ADORA2A: variants seen among roughly 807,000 people sequenced by gnomAD.
The protein encoded by ADORA2A is adenosine receptor A2a.
A neutral mutation model predicts 18.4 loss-of-function variants in ADORA2A; 11 were observed. The observed-to-expected ratio is 0.60, with a 90% confidence interval of 0.38 to 0.99. The LOEUF is 0.99. Among genes scored for constraint, ADORA2A ranks in the 50% least tolerant of loss-of-function variants. ADORA2A has a pLI of 0.01. For synonymous variants in ADORA2A, 218 were observed against 237.3 expected, an observed-to-expected ratio of 0.92 and a Z score of 0.75; for missense variants, 449 against 556.1, an observed-to-expected ratio of 0.81 and a Z score of 1.94.
At chr22:24,436,401 CT>C (rs201050948) in intron 2 of ADORA2A, among the ~76,000 whole-genome samples, 50 of 151,884 alleles carry the variant, frequency 3.3e-4, no homozygotes, top group Middle Eastern at 3.4e-3. Flanking sequence ...TCTCCATTAA[CT>C]TTTTTTTTAA....
upstream of ADORA2A, among the ~76,000 whole-genome samples, chr22:24,427,405 G>A (rs1301983406): frequency 6.6e-6 from 1 of 152,068 alleles, no homozygotes; most frequent in Non-Finnish European, 1.5e-5. Context: ...GCCCCTTCAA[G>A]CCTCCCACAG....
At chr22:24,425,848 A>G (rs1378399919), upstream of ADORA2A, among the ~76,000 whole-genome samples, 2 of 152,214 alleles carry the variant, frequency 1.3e-5, no homozygotes, top group African/African-American at 4.8e-5. Flanking sequence ...GGGGAATCTG[A>G]TATCTCATCT....
At chr22:24,437,844 C>T (rs2043217327) in intron 2 of ADORA2A, among the ~76,000 whole-genome samples, 1 of 152,238 alleles carries the variant, frequency 6.6e-6, no homozygotes, top group Non-Finnish European at 1.5e-5. Context: ...TACTGTGTTC[C>T]CAGAAGCCTT....
At chr22:24,429,420 T>G (rs1413518620) in intron 1 of ADORA2A, 1 of 152,242 alleles carries the variant, frequency 6.6e-6, no homozygotes, top group Non-Finnish European at 1.5e-5. Context: ...CACAGAGAAG[T>G]ATTACATTAT....
chr22:24,424,263 A>C (rs2042892817), upstream of ADORA2A: 1 of 151,492 alleles, frequency 6.6e-6, no homozygotes, highest in African/African-American at 2.4e-5. The surrounding 1 kb of genome is among the most constrained non-coding windows in gnomAD (Gnocchi z 4.9). Context: ...GAGCTGTCCC[A>C]AACTGCACCG....
Position 24,440,769 on chromosome 22 carries a change from C to T in ADORA2A, c.519C>T (p.Pro173=), listed in dbSNP as rs991139776. 6.2e-7 allele frequency: 1 copy of T among 1,614,228 alleles called. No homozygotes were observed. Among genetic ancestry groups the T allele is most frequent in the Non-Finnish European group, 8.5e-7 (1 of 1,180,046 alleles). ...QVACLFEDVV[P]MNYMVYFNFF... is the part of the protein sequence containing the mutation. ...CCTGTCTCTTTGAGGATGTGGTCCC[C>T]ATGAACTACATGGTGTACTTCAACT... The change falls in exon 3 of 3, where the codon CCC becomes CCT. Residue 173 remains proline (P), a synonymous_variant. Transcript: ENST00000337539.
chr22:24,432,188 C>G (rs1020242172), intron 1 of ADORA2A: 2 of 153,150 alleles, frequency 1.3e-5, no homozygotes, highest in East Asian at 1.9e-4. Context: ...GCAGCGCCGC[C>G]CCTGCCCTGA....
chr22:24,427,767 G>A (rs2042935858), intron 1 of ADORA2A, 21 bp downstream of exon 1: 1 of 152,368 alleles, frequency 6.6e-6, no homozygotes. Context: ...CCCAGGCGGG[G>A]AGGAGGGGGT....
chr22:24,431,589 C>G, intron 1 of ADORA2A: 1 of 430,788 alleles, frequency 2.3e-6, no homozygotes, highest in African/African-American at 2.0e-5. Flanking sequence ...GACGAGGTGG[C>G]TGCCCGAGTC....
chr22:24,439,072 C>CTTTTTTTTTTTTTTT lies in ADORA2A; in HGVS notation c.333-1496_333-1482dup. Among the ~76,000 whole-genome samples the CTTTTTTTTTTTTTTT allele has an allele frequency of 7.0e-4, 51 of 73,104 alleles. 6 individuals are homozygous for CTTTTTTTTTTTTTTT. The highest frequency in any genetic ancestry group is 9.9e-4 in the Non-Finnish European group (37 of 37,284). 48.0% of individuals were successfully genotyped at this position (73,104 alleles called of 152,430 possible). On this transcript the variant is annotated intron_variant, in intron 2 of 2. Transcript: ENST00000337539. The stretch of plus-strand genomic sequence containing the variant: ...GTAGAGCACATCCTTCCCCTTGCAC[C>CTTTTTTTTTTTTTTT]TTTTTTTTTTTTTTTTTTTTTTTTT...
Position 24,441,472 on chromosome 22 carries a change from G to A in ADORA2A, c.1222G>A (p.Gly408Arg). ...PGLDDPLAQD[G>R]AGVS ...CCTAGATGACCCCCTGGCCCAGGAT[G>A]GAGCAGGAGTGTCCTGATGATTCAT... is the stretch of plus-strand genomic sequence containing the variant. The change falls in exon 3 of 3, where the codon GGA becomes AGA. Residue 408 changes from glycine (G) to arginine (R), a missense_variant. Physicochemically the swap from Gly to Arg is moderately radical, Grantham distance 125. Transcript: ENST00000337539. 2 of 1,514,210 alleles carry A rather than the reference G, an allele frequency of 1.3e-6. No homozygotes were observed. Among genetic ancestry groups the A allele is most frequent in the Non-Finnish European group, 1.8e-6 (2 of 1,132,462 alleles). The allele number at this position is 1,514,210 out of a possible 1,614,324, so 93.8% of individuals were successfully genotyped here.
chr22:24,439,701 C>A (rs2043285129), intron 2 of ADORA2A: 2 of 152,112 alleles, frequency 1.3e-5, no homozygotes, highest in South Asian at 4.1e-4. Flanking sequence ...TGCTTACTGG[C>A]TGGCAGATCC....
chr22:24,423,763 C>T (rs1305379423), upstream of ADORA2A: 3 of 152,148 alleles, frequency 2.0e-5, no homozygotes, highest in African/African-American at 7.2e-5. Flanking sequence ...GCGGGATCGT[C>T]CTTCCAGGAT....
intron 1 of ADORA2A, chr22:24,431,731 C>G (rs2043041937): frequency 2.9e-6 from 1 of 349,316 alleles, no homozygotes. Flanking sequence ...CAAAGAGGGG[C>G]AATTTAACGG....
upstream of ADORA2A, among the ~76,000 whole-genome samples, chr22:24,426,546 G>A (rs2042920703): frequency 6.6e-6 from 1 of 152,186 alleles, no homozygotes; most frequent in African/African-American, 2.4e-5. Flanking sequence ...AGGAGCAGAG[G>A]AGCCCAGATG....
chr22:24,423,893 C>A (rs1484949443), upstream of ADORA2A: 1 of 151,978 alleles, frequency 6.6e-6, no homozygotes, highest in Non-Finnish European at 1.5e-5. Flanking sequence ...CGCCCGTGAG[C>A]GGCGCGGCCG....
Position 24,441,895 on chromosome 22 carries a change from A to C in ADORA2A, c.*406A>C, listed in dbSNP as rs200044091. 2.7e-4 allele frequency: 48 copies of C among 176,000 alleles called. No individual in the cohort carries two copies. The highest frequency in any genetic ancestry group is 2.3e-3 in the Middle Eastern group (1 of 430). The allele number at this position is 176,000 out of a possible 1,614,324, so 10.9% of individuals were successfully genotyped here. ...GCCACCCACACACCACTCTCCCTAG[A>C]CTCTCCTAGGGTTCAGGAGCTGCTG... On this transcript the variant is annotated 3_prime_UTR_variant, in exon 3 of 3. Transcript: ENST00000337539.
chr22:24,440,521 G>A, intron 2 of ADORA2A, 62 bp from the exon 3 acceptor site: 1 of 1,493,038 alleles, frequency 6.7e-7, no homozygotes, highest in Non-Finnish European at 9.0e-7. Context: ...CTGGGGTTCT[G>A]AACTCTTGGC....
rs777536301 is a variant in ADORA2A at position 24,441,445 on chromosome 22, G to C, written c.1195G>C (p.Gly399Arg). ...CAAGGGAGTGTGCCCAGAGCCCCCT[G>C]GCCTAGATGACCCCCTGGCCCAGGA... ...ELKGVCPEPP[G>R]LDDPLAQDGA... The change falls in exon 3 of 3, where the codon GGC becomes CGC. Residue 399 changes from glycine to arginine, a missense_variant. Coordinates refer to ENST00000337539, the MANE Select transcript of ADORA2A (RefSeq NM_000675.6). The C allele has an allele frequency of 1.3e-6, 2 of 1,520,666 alleles. No individual in the cohort carries two copies. Among genetic ancestry groups the C allele is most frequent in the Non-Finnish European group, 1.8e-6 (2 of 1,136,576 alleles). 94.2% of individuals were successfully genotyped at this position (1,520,666 alleles called of 1,614,324 possible). A position where few individuals can be genotyped will look rare whatever the true frequency, so the allele number is the denominator to read the frequency against.
Sources: gnomAD v4.1 joint callset for allele counts (sites outside exome capture counted in the v4.1 genomes callset) on GRCh38, gnomAD v4.1.1 for gene constraint, Gnocchi (gnomAD v3.1) non-coding constraint, MANE v1.5 for transcripts, NCBI Gene and HGNC (gene_info 2026-07-23, HGNC 2026-07-21) for gene names.